Variants in PLAC1 observed in about 807,000 individuals in gnomAD.
The protein encoded by PLAC1 is placenta-specific protein 1.
For missense variants in PLAC1, 136 were observed against 163.2 expected, an observed-to-expected ratio of 0.83 and a Z score of 0.91; for synonymous variants, 68 against 62.1, an observed-to-expected ratio of 1.09 and a Z score of -0.44.
intron 2 of PLAC1, among the ~76,000 whole-genome samples, chrX:134,578,527 T>TC (rs2077956775): frequency 1.0e-5 from 1 of 97,153 alleles, no homozygotes; most frequent in Non-Finnish European, 2.1e-5. Flanking sequence ...TTTTTTTTTT[T>TC]TTTTTTTTTT....
intron 1 of PLAC1, among the ~76,000 whole-genome samples, chrX:134,634,415 T>A (rs1277898055): frequency 8.9e-6 from 1 of 111,807 alleles, no homozygotes; most frequent in Non-Finnish European, 1.9e-5. Flanking sequence ...ATTCAGTGGT[T>A]TTTAGTATGT....
intron 2 of PLAC1, among the ~76,000 whole-genome samples, chrX:134,694,379 T>A (rs892343600): frequency 1.8e-5 from 2 of 112,051 alleles, no homozygotes; most frequent in African/African-American, 3.2e-5. Flanking sequence ...CCTGTTGGCA[T>A]CCTCTGTGCT....
chrX:134,640,267 T>G (rs2124425226), intron 1 of PLAC1, among the ~76,000 whole-genome samples: 1 of 111,914 alleles, frequency 8.9e-6, no homozygotes, highest in South Asian at 3.8e-4. Context: ...ATGCCTGAGC[T>G]TTTGTCCCAT....
chrX:134,619,209 T>C (rs994413234), intron 1 of PLAC1, among the ~76,000 whole-genome samples: 2 of 112,239 alleles, frequency 1.8e-5, no homozygotes, highest in African/African-American at 6.5e-5. Flanking sequence ...TGTTAACCCT[T>C]TTGAGAATTT....
intron 2 of PLAC1, among the ~76,000 whole-genome samples, chrX:134,706,700 A>C (rs2078605763): frequency 8.9e-6 from 1 of 111,921 alleles, no homozygotes; most frequent in Non-Finnish European, 1.9e-5. Context: ...CAAAGGGCAA[A>C]AAATCTCAAC....
chrX:134,734,468 G>A (rs2078697635), intron 1 of PLAC1, among the ~76,000 whole-genome samples: 1 of 112,643 alleles, frequency 8.9e-6, no homozygotes, highest in East Asian at 2.8e-4. Context: ...CACCTGCAGA[G>A]AGGACAGCAA....
At chrX:134,611,116 G>C (rs929459869) in intron 1 of PLAC1, among the ~76,000 whole-genome samples, 1 of 111,069 alleles carries the variant, frequency 9.0e-6, no homozygotes, top group African/African-American at 3.3e-5. Flanking sequence ...CTGGGCTCAA[G>C]TGATTTGCCC....
rs751445880 is a variant in PLAC1, at chrX:134,590,544, T to C, written c.-59+11507A>G. On this transcript the variant is annotated intron_variant, in intron 2 of 2. Coordinates refer to ENST00000359237, the MANE Select transcript of PLAC1 (RefSeq NM_021796.4). ...AAATGATACAAGGGTTATATGCAAG[T>C]GTTATAATAAAGAATGCATAACAGA... 5.3e-5 allele frequency among the ~76,000 whole-genome samples: 6 copies of C among 112,453 alleles called. No homozygotes were observed. The South Asian group carries it at 1.5e-3, about 28-fold the overall frequency.
At chrX:134,732,933 A>T (rs1040841125) in intron 2 of PLAC1, among the ~76,000 whole-genome samples, 1 of 111,584 alleles carries the variant, frequency 9.0e-6, no homozygotes, top group Non-Finnish European at 1.9e-5. Flanking sequence ...AGCTGGGAAG[A>T]GAGACGGCGA....
intron 1 of PLAC1, among the ~76,000 whole-genome samples, chrX:134,755,064 T>G (rs1297729511): frequency 1.8e-5 from 2 of 111,805 alleles, no homozygotes; most frequent in East Asian, 5.6e-4. Flanking sequence ...TTTTCTTATT[T>G]TTGATCTAGG....
chrX:134,701,695 G>A (rs140931570), intron 2 of PLAC1, among the ~76,000 whole-genome samples: 1,593 of 111,991 alleles, frequency 0.014, 26 homozygotes, highest in African/African-American at 0.048. Context: ...AATACTCCAC[G>A]TCAGTAATCA....
chrX:134,713,594 C>T (rs1161794989), intron 2 of PLAC1, among the ~76,000 whole-genome samples: 1 of 111,781 alleles, frequency 8.9e-6, no homozygotes, highest in Non-Finnish European at 1.9e-5. Context: ...GGCAGGAGTT[C>T]GCTGGGACAT....
At position 134,663,546 on chromosome X, in the gene PLAC1, T is replaced by C. The variant is rs148943618; in HGVS notation, n.175-61424A>G. Among the ~76,000 whole-genome samples, 339 of 112,598 alleles carry C rather than the reference T, an allele frequency of 3.0e-3. 3 individuals carry two copies. The highest frequency in any genetic ancestry group is 0.011 in the African/African-American group (333 of 31,074). ...CATAGGTCTGAGAGGATTCTTTGAGTCTTTGAATAGGTTCATGGTTCCTTT... is the reference window on the plus strand; with the variant it reads ...CATAGGTCTGAGAGGATTCTTTGAGCCTTTGAATAGGTTCATGGTTCCTTT... On this transcript the variant is annotated intron_variant and non_coding_transcript_variant, in intron 2 of 2. Transcript: ENST00000466797.
intron 2 of PLAC1, among the ~76,000 whole-genome samples, chrX:134,708,967 AAGTC>A (rs751193418): frequency 1.8e-4 from 20 of 111,874 alleles, no homozygotes; most frequent in Non-Finnish European, 3.4e-4. Context: ...TCATGGGAGA[AAGTC>A]AGTGAATGGT....
intron 2 of PLAC1, chrX:134,599,365 G>T (rs143099208): frequency 9.0e-6 from 1 of 110,849 alleles, no homozygotes; most frequent in Non-Finnish European, 1.9e-5. Flanking sequence ...TGCTGTTCTC[G>T]TGATAGTGAG....
intron 1 of PLAC1, among the ~76,000 whole-genome samples, chrX:134,752,933 C>T (rs1248482069): frequency 9.0e-6 from 1 of 111,680 alleles, no homozygotes; most frequent in Non-Finnish European, 1.9e-5. Context: ...GCAAAAATAA[C>T]TCCCAAAGTG....
chrX:134,575,808 G>A (rs1182624870), intron 2 of PLAC1, among the ~76,000 whole-genome samples: 3 of 107,758 alleles, frequency 2.8e-5, no homozygotes, highest in Non-Finnish European at 5.7e-5. Context: ...TGTTGGTTTG[G>A]TGCCTTTTTC....
intron 2 of PLAC1, among the ~76,000 whole-genome samples, chrX:134,713,310 T>C (rs1349801832): frequency 8.9e-6 from 1 of 112,561 alleles, no homozygotes; most frequent in African/African-American, 3.2e-5. Context: ...CTGTTATGAA[T>C]AGTAAAGTCC....
At chrX:134,633,232 A>G (rs754011444) in intron 1 of PLAC1, among the ~76,000 whole-genome samples, 146 of 111,849 alleles carry the variant, frequency 1.3e-3, no homozygotes, top group African/African-American at 4.6e-3. Flanking sequence ...TGGTACTAAT[A>G]GGACTCCAAC....
Sources: gnomAD v4.1 joint callset for allele counts (sites outside exome capture counted in the v4.1 genomes callset) on GRCh38, gnomAD v4.1.1 for gene constraint, MANE v1.5 for transcripts, NCBI Gene and HGNC (gene_info 2026-07-23, HGNC 2026-07-21) for gene names.